The following ATP13A4 variants were observed in gnomAD, a reference collection of about 807,000 sequenced individuals.
ATP13A4 encodes the protein probable cation-transporting ATPase 13A4.
In ATP13A4, 114 loss-of-function variants were observed where a neutral mutation model predicts 142.5. The ratio of observed to expected loss-of-function variants is 0.80; its 90% CI spans 0.69 to 0.93. ATP13A4 has a LOEUF of 0.93. Ranked by LOEUF, ATP13A4 falls within the 40% of genes least tolerant of loss-of-function variation. ATP13A4 has a pLI of 0.00. For missense variants in ATP13A4, 1,392 were observed against 1,454.0 expected (o/e 0.96, Z 0.69); for synonymous variants, 488 against 514.8 (o/e 0.95, Z 0.70).
intron 2 of ATP13A4, among the ~76,000 whole-genome samples, chr3:193,577,763 T>C (rs1009402493): frequency 5.5e-4 from 84 of 152,354 alleles, no homozygotes; most frequent in African/African-American, 1.9e-3. Flanking sequence ...GGACTCATTT[T>C]CAAGTCCACC....
intron 2 of ATP13A4, chr3:193,579,532 T>C (rs10804956): frequency 0.52 from 79,337 of 151,646 alleles, 21,495 homozygotes; most frequent in African/African-American, 0.65. Flanking sequence ...ATAGGTAGTG[T>C]TTTTGGTGGC....
chr3:193,414,702 C>T lies in ATP13A4; in HGVS notation c.2891G>A (p.Gly964Glu), dbSNP rs1205244175. Residue 964 changes from glycine (G) to glutamate (E), a missense_variant, in exon 26 of 30, where the codon GGA (glycine) becomes GAA (glutamate). By Grantham distance (98) the Gly-to-Glu change is moderately conservative. Coordinates refer to ENST00000342695, the MANE Select transcript of ATP13A4 (RefSeq NM_032279.4). ...YPKLVPFRPA[G>E]RLISPPLLLS... ...TAGCAGAGGTGGAGAGATCAGCCGT[C>T]CTGCAGGTCTGAAAGGCACCAGCTT... is the stretch of plus-strand genomic sequence containing the variant. The T allele has an allele frequency of 1.1e-5, 17 of 1,614,002 alleles. No individual in the cohort carries two copies. Among genetic ancestry groups the T allele is most frequent in the African/African-American group, 5.3e-5 (4 of 74,912 alleles).
intron 1 of ATP13A4, among the ~76,000 whole-genome samples, chr3:193,582,469 A>G (rs1261004563): frequency 2.1e-5 from 3 of 145,940 alleles, no homozygotes; most frequent in East Asian, 3.9e-4. Flanking sequence ...TAATATATGC[A>G]TGTACATATA....
intron 1 of ATP13A4, among the ~76,000 whole-genome samples, chr3:193,527,498 G>A (rs1722071835): frequency 6.6e-6 from 1 of 151,916 alleles, no homozygotes; most frequent in Non-Finnish European, 1.5e-5. Flanking sequence ...TGTAATCTCA[G>A]CTACTTGGGA....
intron 8 of ATP13A4, among the ~76,000 whole-genome samples, chr3:193,474,511 G>A (rs186043686): frequency 9.9e-4 from 147 of 148,662 alleles, no homozygotes; most frequent in Non-Finnish European, 1.5e-3. Flanking sequence ...ACTCCAGTTG[G>A]GCAACAGTGC....
chr3:193,467,075 G>GTAA (rs1388853300), intron 10 of ATP13A4, among the ~76,000 whole-genome samples: 2 of 152,042 alleles, frequency 1.3e-5, no homozygotes, highest in Admixed American at 6.5e-5. Flanking sequence ...AAGGACAACT[G>GTAA]CTTGAGGGAA....
chr3:193,458,987 C>T (rs1189716251), intron 14 of ATP13A4, 94 bp downstream of exon 14: 2 of 1,561,596 alleles, frequency 1.3e-6, no homozygotes, highest in African/African-American at 2.7e-5. Flanking sequence ...CATTGGAAAC[C>T]TCACCTTTTA....
intron 2 of ATP13A4, among the ~76,000 whole-genome samples, chr3:193,505,789 G>A (rs943912488): frequency 4.6e-5 from 7 of 152,178 alleles, no homozygotes; most frequent in Admixed American, 4.6e-4. Flanking sequence ...GTGTGAAGTG[G>A]TCACTTCAGG....
intron 25 of ATP13A4, among the ~76,000 whole-genome samples, chr3:193,426,450 AC>A (rs1715672052): frequency 6.6e-6 from 1 of 151,908 alleles, no homozygotes; most frequent in Non-Finnish European, 1.5e-5. Flanking sequence ...AAAGTGATCT[AC>A]AGATTTGATG....
chr3:193,432,949 T>C (rs1716061239), intron 25 of ATP13A4, among the ~76,000 whole-genome samples: 1 of 152,146 alleles, frequency 6.6e-6, no homozygotes, highest in Admixed American at 6.6e-5. Flanking sequence ...AGGAATGAAC[T>C]GTAATGTAAA....
upstream of ATP13A4, chr3:193,555,207 A>G: frequency 6.4e-6 from 2 of 313,312 alleles, no homozygotes; most frequent in Non-Finnish European, 1.3e-5. Context: ...AGGAGTGAGG[A>G]GCGGGTGCAA....
At chr3:193,479,712 A>G (rs574070191) in intron 8 of ATP13A4, among the ~76,000 whole-genome samples, 1 of 152,328 alleles carries the variant, frequency 6.6e-6, no homozygotes, top group East Asian at 1.9e-4. Context: ...CTACAAATTC[A>G]ATGCAATTCC....
At chr3:193,584,148 T>A (rs913717547) in intron 1 of ATP13A4, among the ~76,000 whole-genome samples, 1 of 152,206 alleles carries the variant, frequency 6.6e-6, no homozygotes, top group African/African-American at 2.4e-5. Flanking sequence ...GTAATTAAGT[T>A]TGCTGACCAG....
chr3:193,459,540 C>T (rs563459255), intron 13 of ATP13A4, among the ~76,000 whole-genome samples: 1 of 152,128 alleles, frequency 6.6e-6, no homozygotes, highest in Non-Finnish European at 1.5e-5. Context: ...CAGGTTCTAG[C>T]GATTCTCCTG....
At chr3:193,549,935 C>A (rs536055158) in intron 1 of ATP13A4, among the ~76,000 whole-genome samples, 1 of 152,258 alleles carries the variant, frequency 6.6e-6, no homozygotes, top group East Asian at 1.9e-4. Flanking sequence ...TGCAAACAAA[C>A]GGATGATATC....
At chr3:193,462,284 T>C (rs56336089) in intron 13 of ATP13A4, among the ~76,000 whole-genome samples, 33 of 151,478 alleles carry the variant, frequency 2.2e-4, no homozygotes, top group Middle Eastern at 3.4e-3. Context: ...TTCTCAAAAT[T>C]TGAATACCAA....
intron 14 of ATP13A4, 78 bp from the exon 15 acceptor site, chr3:193,457,543 T>G: frequency 7.4e-7 from 1 of 1,351,446 alleles, no homozygotes; most frequent in Non-Finnish European, 1.1e-6. Context: ...AACCCTCCCC[T>G]TGAGAAGATC....
Position 193,541,401 on chromosome 3 carries a change from G to A in ATP13A4, c.60+13339C>T, listed in dbSNP as rs182037996. 8.5e-3 allele frequency among the ~76,000 whole-genome samples: 995 copies of A among 116,670 alleles called. 3 individuals carry two copies. The highest frequency in any genetic ancestry group is 0.014 in the Non-Finnish European group (666 of 49,296). 76.5% of individuals were successfully genotyped at this position (116,670 alleles called of 152,430 possible). ...CACAGATTATCTATCTGTGATTATC[G>A]ATCACAGATTATCTATCTGTGATTA... On this transcript the variant is annotated intron_variant, in intron 1 of 29. Coordinates refer to ENST00000342695, the MANE Select transcript of ATP13A4 (RefSeq NM_032279.4).
chr3:193,491,902 C>A (rs1473647601), intron 5 of ATP13A4, among the ~76,000 whole-genome samples: 2 of 152,154 alleles, frequency 1.3e-5, no homozygotes, highest in African/African-American at 4.8e-5. Context: ...GCTCTACACA[C>A]ATAATTATTC....
Sources: allele counts gnomAD v4.1 joint callset (sites outside exome capture counted in the v4.1 genomes callset), GRCh38; gene constraint gnomAD v4.1.1; transcripts MANE v1.5; gene names NCBI Gene and HGNC (gene_info 2026-07-23, HGNC 2026-07-21).